The following TRPV5 variants were observed in gnomAD, a reference collection of about 807,000 sequenced individuals.
TRPV5 encodes the protein transient receptor potential cation channel subfamily V member 5, also known as calcium transport protein 2.
Under a neutral mutation model 74.1 loss-of-function variants are expected in TRPV5, and 66 were observed. The observed-to-expected ratio is 0.89, with a 90% confidence interval of 0.73 to 1.09. TRPV5 has a LOEUF of 1.09. Among genes scored for constraint, TRPV5 ranks in the 50% least tolerant of loss-of-function variants. TRPV5 has a pLI of 0.00. For synonymous variants in TRPV5, 399 were observed against 360.7 expected (o/e 1.11, Z -1.20); for missense variants, 936 against 930.4 (o/e 1.01, Z -0.08).
chr7:142,923,514 C>T (rs1394471395), intron 8 of TRPV5, among the ~76,000 whole-genome samples: 2 of 152,050 alleles, frequency 1.3e-5, no homozygotes, highest in Admixed American at 6.5e-5. Context: ...TTATCTAACC[C>T]CTTCCAGCAG....
At chr7:142,924,364 G>A (rs1227532841) in intron 8 of TRPV5, among the ~76,000 whole-genome samples, 1,099 of 14,688 alleles carry the variant, frequency 0.075, 170 homozygotes, top group African/African-American at 0.12. Flanking sequence ...ACATATACAT[G>A]TATATATATA....
chr7:142,930,201 G>C (rs199823405), intron 2 of TRPV5, 21 bp from the exon 3 acceptor site: 1 of 1,610,252 alleles, frequency 6.2e-7, no homozygotes, highest in Non-Finnish European at 8.5e-7. Flanking sequence ...GTAAGACAGA[G>C]ATGTTAGACA....
chr7:142,922,458 C>G (rs4252449), intron 8 of TRPV5, among the ~76,000 whole-genome samples: 141,067 of 152,216 alleles, frequency 0.93, 65,554 homozygotes, highest in East Asian at 0.99. Flanking sequence ...ATGGAAGCCA[C>G]GGGTTCTCAA....
At chr7:142,932,046 G>A (rs974169214) in intron 1 of TRPV5, among the ~76,000 whole-genome samples, 1 of 152,166 alleles carries the variant, frequency 6.6e-6, no homozygotes, top group Admixed American at 6.5e-5. Context: ...TAAAGGTGGG[G>A]CCTGGTTTTA....
At chr7:142,918,865 C>T (rs918458137) in intron 8 of TRPV5, among the ~76,000 whole-genome samples, 1 of 152,188 alleles carries the variant, frequency 6.6e-6, no homozygotes, top group African/African-American at 2.4e-5. Context: ...ATTAGGAAAG[C>T]TCACTGTGAG....
chr7:142,910,720 C>T (rs1795690319), intron 13 of TRPV5, among the ~76,000 whole-genome samples: 1 of 152,152 alleles, frequency 6.6e-6, no homozygotes. Flanking sequence ...GTGCTCTTAC[C>T]CTGGATAGCT....
At chr7:142,916,365 G>A (rs1456541496) in intron 8 of TRPV5, among the ~76,000 whole-genome samples, 5 of 152,082 alleles carry the variant, frequency 3.3e-5, no homozygotes, top group African/African-American at 7.2e-5. Flanking sequence ...GTTACTTCAC[G>A]GTGAAACTTA....
At chr7:142,909,358 C>T (rs542289121) in intron 14 of TRPV5, 132 bp downstream of exon 14, 10 of 882,068 alleles carry the variant, frequency 1.1e-5, no homozygotes, top group South Asian at 3.3e-5. Context: ...CAGCATTCTT[C>T]GTACCCCTCC....
At position 142,914,631 on chromosome 7, in the gene TRPV5, G is replaced by A; in HGVS notation, c.1519+9C>T. The A allele has an allele frequency of 6.2e-7, 1 of 1,612,124 alleles. No individual in the cohort carries two copies. The highest frequency in any genetic ancestry group is 1.1e-5 in the South Asian group (1 of 90,704). On this transcript the variant is annotated intron_variant, in intron 12 of 14. Transcript: ENST00000265310. Reference sequence around the variant, plus strand: ...TGCTGATCTAGTAGAGGAGTGTATGGTGCCTTACCGGAGGCAAATCCCAAG... The same window carrying A: ...TGCTGATCTAGTAGAGGAGTGTATGATGCCTTACCGGAGGCAAATCCCAAG...
In TRPV5 at chr7:142,933,397, G is replaced by C. The variant is rs1796129688; in HGVS notation, c.63C>G (p.Ser21=). The stretch of plus-strand genomic sequence containing the variant: ...CCCAGTCTTGTTCTCTGACCAGAAA[G>C]GAGGGCAGAAGTTTCTGGAGTTGGC... ...PGSQLQKLLP[S]FLVREQDWDQ... is the part of the protein sequence containing the mutation. The change falls in exon 1 of 15, where the codon TCC becomes TCG. Residue 21 remains serine (S), a synonymous_variant. Coordinates refer to ENST00000265310, the MANE Select transcript of TRPV5 (RefSeq NM_019841.7). The C allele has an allele frequency of 6.2e-7, 1 of 1,614,028 alleles. No individual in the cohort carries two copies. The highest frequency in any genetic ancestry group is 1.1e-5 in the South Asian group (1 of 91,078).
At chr7:142,914,512 AAAACAAAAAAC>A (rs1795757457) in intron 12 of TRPV5, 117 bp downstream of exon 12, 1 of 904,690 alleles carries the variant, frequency 1.1e-6, no homozygotes, top group African/African-American at 1.8e-5. Context: ...AGGAAAAAAC[AAAACAAAAAAC>A]AAACAAAAAA....
At chr7:142,928,904 A>G (rs762855583) in intron 5 of TRPV5, 38 bp from the exon 6 acceptor site, 30 of 1,612,218 alleles carry the variant, frequency 1.9e-5, no homozygotes, top group Non-Finnish European at 2.4e-5. Flanking sequence ...CCACTGGCCT[A>G]AAGTCCCTGA....
intron 7 of TRPV5, 134 bp downstream of exon 7, chr7:142,927,954 A>C: frequency 9.3e-7 from 1 of 1,073,620 alleles, no homozygotes; most frequent in East Asian, 2.6e-5. Context: ...CCCATGTCCC[A>C]GGAGACTATT....
rs960854458 is a variant in TRPV5 at position 142,933,694 on chromosome 7, G to C, written c.-235C>G. ...GTGGCTGTGGTGTATGTGTGTGCAT[G>C]CAGTGTGTGGTTGTGAGGTGGTGTG... On this transcript the variant is annotated 5_prime_UTR_variant, in exon 1 of 15. Transcript: ENST00000265310. 5.5e-5 allele frequency: 31 copies of C among 559,244 alleles called. No homozygotes were observed. Among genetic ancestry groups the C allele is most frequent in the African/African-American group, 4.0e-4 (21 of 52,324 alleles). The allele number at this position is 559,244 out of a possible 1,614,324, so 34.6% of individuals were successfully genotyped here.
chr7:142,929,940 A>G, intron 3 of TRPV5, 118 bp downstream of exon 3: 1 of 1,497,648 alleles, frequency 6.7e-7, no homozygotes, highest in Non-Finnish European at 9.1e-7. Context: ...AACGGAGCCC[A>G]TCCTCCTGAC....
In TRPV5 at chr7:142,908,461, G is replaced by A. The variant is rs1253518339; in HGVS notation, c.*53C>T. The A allele has an allele frequency of 6.3e-7, 1 of 1,592,672 alleles. No individual in the cohort carries two copies. Among genetic ancestry groups the A allele is most frequent in the Non-Finnish European group, 8.6e-7 (1 of 1,164,474 alleles). ...TGCATAGGCAGAGGTCTCCGTCTCT[G>A]TCCCCGCCCCCAGGCCAACCGGGAG... On this transcript the variant is annotated 3_prime_UTR_variant, in exon 15 of 15. Coordinates refer to ENST00000265310, the MANE Select transcript of TRPV5 (RefSeq NM_019841.7).
chr7:142,917,052 A>AT (rs887978514), intron 8 of TRPV5, among the ~76,000 whole-genome samples: 9 of 148,056 alleles, frequency 6.1e-5, no homozygotes, highest in South Asian at 2.1e-4. Context: ...GTTTTGTTCT[A>AT]TTTTTTTGTG....
chr7:142,910,994 C>T (rs139341005), intron 13 of TRPV5, among the ~76,000 whole-genome samples: 31 of 152,240 alleles, frequency 2.0e-4, no homozygotes, highest in African/African-American at 7.0e-4. Flanking sequence ...GCCTATGACC[C>T]GAATGTGTTC....
intron 8 of TRPV5, among the ~76,000 whole-genome samples, chr7:142,917,702 C>G (rs1795823977): frequency 6.6e-6 from 1 of 152,216 alleles, no homozygotes; most frequent in Non-Finnish European, 1.5e-5. Context: ...TGCCTCTGCA[C>G]TGCCTGGGAT....
Sources: allele counts gnomAD v4.1 joint callset (sites outside exome capture counted in the v4.1 genomes callset), GRCh38; gene constraint gnomAD v4.1.1; transcripts MANE v1.5; gene names NCBI Gene and HGNC (gene_info 2026-07-23, HGNC 2026-07-21).